DOCK8: variants seen among roughly 807,000 people sequenced by gnomAD.
The protein encoded by DOCK8 is dedicator of cytokinesis protein 8.
Under a neutral mutation model 245.6 loss-of-function variants are expected in DOCK8, and 141 were observed. The ratio of observed to expected loss-of-function variants is 0.57; its 90% CI spans 0.50 to 0.66. The LOEUF (loss-of-function observed/expected upper bound fraction) is 0.66, where lower values mean the gene tolerates loss of function less well. Ranked by LOEUF, DOCK8 falls within the 30% of genes least tolerant of loss-of-function variation. The pLI, the probability that DOCK8 is intolerant of heterozygous loss-of-function variation, is 0.00. For missense variants in DOCK8, 2,965 were observed against 2,603.4 expected (o/e 1.14, Z -3.02); for synonymous variants, 1,168 against 970.2 (o/e 1.20, Z -3.79).
At chr9:284,182 C>T (rs1586593999) in intron 2 of DOCK8, among the ~76,000 whole-genome samples, 2 of 152,218 alleles carry the variant, frequency 1.3e-5, no homozygotes, top group African/African-American at 2.4e-5. Context: ...CCTCTTTATC[C>T]TGTGGGGTTG....
chr9:340,754 A>G (rs911069383), intron 14 of DOCK8: 2 of 185,700 alleles, frequency 1.1e-5, no homozygotes, highest in African/African-American at 4.7e-5. Context: ...ATGAAATGTG[A>G]TATTTATGTA....
At chr9:334,849 A>T (rs1179704739) in intron 11 of DOCK8, among the ~76,000 whole-genome samples, 1 of 152,158 alleles carries the variant, frequency 6.6e-6, no homozygotes, top group Non-Finnish European at 1.5e-5. Flanking sequence ...TGGGAGGCCG[A>T]GGTAGGCGGA....
intron 46 of DOCK8, among the ~76,000 whole-genome samples, chr9:457,481 G>C (rs1302373827): frequency 6.6e-6 from 1 of 152,186 alleles, no homozygotes; most frequent in Non-Finnish European, 1.5e-5. Context: ...ATTTGAGTGG[G>C]AAATAGAGAA....
At chr9:220,451 G>T (rs565744555) in intron 1 of DOCK8, among the ~76,000 whole-genome samples, 1 of 152,220 alleles carries the variant, frequency 6.6e-6, no homozygotes, top group South Asian at 2.1e-4. Context: ...GAACTCAGGG[G>T]ACCAAGTCTC....
intron 5 of DOCK8, among the ~76,000 whole-genome samples, chr9:310,259 C>A (rs1174021032): frequency 2.5e-4 from 25 of 99,506 alleles, no homozygotes; most frequent in Non-Finnish European, 1.2e-4. Flanking sequence ...AAATGTGAAA[C>A]TCCGTCTAAA....
At chr9:368,489 G>C in intron 15 of DOCK8, 1 of 591,130 alleles carries the variant, frequency 1.7e-6, no homozygotes, top group South Asian at 2.0e-5. Context: ...TGTCTTCCAT[G>C]CACAAACTGT....
chr9:272,525 A>G (rs1344827680), intron 2 of DOCK8, among the ~76,000 whole-genome samples: 1 of 152,096 alleles, frequency 6.6e-6, no homozygotes, highest in Non-Finnish European at 1.5e-5. Flanking sequence ...AGCCGGGACT[A>G]CAGGCGCATG....
intron 7 of DOCK8, among the ~76,000 whole-genome samples, chr9:323,382 C>G (rs1002456463): frequency 1.3e-5 from 2 of 151,822 alleles, no homozygotes; most frequent in Non-Finnish European, 2.9e-5. Context: ...TGCCACCACG[C>G]TCGGCCAGTT....
chr9:381,123 C>G (rs1384868913), intron 21 of DOCK8: 1 of 152,140 alleles, frequency 6.6e-6, no homozygotes, highest in East Asian at 1.9e-4. Flanking sequence ...AACAAACAAA[C>G]AAACACCCTA....
chr9:290,663 G>T (rs766816228), intron 4 of DOCK8, among the ~76,000 whole-genome samples: 2 of 152,140 alleles, frequency 1.3e-5, no homozygotes, highest in African/African-American at 2.4e-5. Context: ...AGCCTGCATG[G>T]GTGTACCTGT....
intron 1 of DOCK8, among the ~76,000 whole-genome samples, chr9:219,175 A>C (rs2046829786): frequency 6.6e-6 from 1 of 152,242 alleles, no homozygotes; most frequent in South Asian, 2.1e-4. Context: ...CCTTTCAGAA[A>C]AGGAACAAAC....
intron 46 of DOCK8, among the ~76,000 whole-genome samples, chr9:461,852 A>AT (rs2057815701): frequency 6.6e-6 from 1 of 151,062 alleles, no homozygotes. Flanking sequence ...TAGTGACTGC[A>AT]TTTTTCTTTT....
chr9:399,643 A>G (rs2054647760), intron 26 of DOCK8, among the ~76,000 whole-genome samples: 1 of 152,004 alleles, frequency 6.6e-6, no homozygotes, highest in Non-Finnish European at 1.5e-5. Flanking sequence ...TAATTAATTA[A>G]ATTGCTGTTG....
rs138987243 is a variant in DOCK8 at position 226,609 on chromosome 9, T to C, written c.53+11580T>C. On this transcript the variant is annotated intron_variant, in intron 1 of 47. Coordinates refer to ENST00000432829, the MANE Select transcript of DOCK8 (RefSeq NM_203447.4). ...TAGGGCTGACGAATTAGATATGGGG[T>C]GGGGCAATGAAAAACAAAAAAAAAG... 4.6e-3 allele frequency among the ~76,000 whole-genome samples: 692 copies of C among 151,708 alleles called. 4 individuals are homozygous for C. The highest frequency in any genetic ancestry group is 0.016 in the African/African-American group (660 of 41,330).
At chr9:441,247 G>A in intron 40 of DOCK8, 39 bp from the exon 41 acceptor site, 1 of 1,613,616 alleles carries the variant, frequency 6.2e-7, no homozygotes, top group Non-Finnish European at 8.5e-7. Flanking sequence ...AGTTTCCAGT[G>A]GATTAAATTC....
At chr9:451,386 G>A (rs1244838331) in intron 45 of DOCK8, among the ~76,000 whole-genome samples, 1 of 152,072 alleles carries the variant, frequency 6.6e-6, no homozygotes, top group Non-Finnish European at 1.5e-5. Context: ...AATTTGGGAG[G>A]CTGAGGTGGG....
intron 47 of DOCK8, 118 bp downstream of exon 47, chr9:463,805 G>T (rs1296225942): frequency 1.6e-6 from 2 of 1,238,522 alleles, no homozygotes; most frequent in Admixed American, 2.0e-5. Flanking sequence ...AAGGGTGGAA[G>T]AGGGTCCCAC....
intron 3 of DOCK8, among the ~76,000 whole-genome samples, chr9:288,789 C>A (rs757571097): frequency 3.9e-5 from 6 of 152,198 alleles, no homozygotes; most frequent in Non-Finnish European, 5.9e-5. Flanking sequence ...GCATGTGTAA[C>A]CTTTACAATA....
At chr9:356,776 C>A (rs539396183) in intron 14 of DOCK8, among the ~76,000 whole-genome samples, 1 of 151,896 alleles carries the variant, frequency 6.6e-6, no homozygotes, top group African/African-American at 2.4e-5. Flanking sequence ...ATATATAAAC[C>A]TCTTAATATA....
Sources: allele counts gnomAD v4.1 joint callset (sites outside exome capture counted in the v4.1 genomes callset), GRCh38; gene constraint gnomAD v4.1.1; transcripts MANE v1.5; gene names NCBI Gene and HGNC (gene_info 2026-07-23, HGNC 2026-07-21).